Variants in ANO1 observed in about 807,000 individuals in gnomAD.
ANO1 encodes anoctamin-1.
A neutral mutation model predicts 124.0 loss-of-function variants in ANO1; 59 were observed. That is an observed-to-expected ratio of 0.48 (90% CI 0.39 to 0.59). The LOEUF is 0.59. ANO1 is among the 20% of genes least tolerant of loss of function. ANO1 has a pLI of 0.00. For missense variants in ANO1, 1,059 were observed against 1,328.0 expected (o/e 0.80, Z 3.15); for synonymous variants, 529 against 532.0 (o/e 0.99, Z 0.08).
intron 1 of ANO1, among the ~76,000 whole-genome samples, chr11:70,046,690 CAGGGGCTCTTGG>C (rs1857264680): frequency 6.6e-6 from 1 of 152,014 alleles, no homozygotes; most frequent in Non-Finnish European, 1.5e-5. Context: ...CAGAAAGACA[CAGGGGCTCTTGG>C]AGGGGCTCTT....
At chr11:70,165,355 G>A (rs2048213038) in intron 19 of ANO1, 115 bp from the exon 20 acceptor site, 2 of 825,226 alleles carry the variant, frequency 2.4e-6, no homozygotes, top group Non-Finnish European at 3.9e-6. Flanking sequence ...GAACCTGAGC[G>A]TCTTTTTTTG....
intron 12 of ANO1, 101 bp from the exon 13 acceptor site, chr11:70,152,349 A>G: frequency 9.9e-7 from 1 of 1,010,692 alleles, no homozygotes; most frequent in Non-Finnish European, 1.4e-6. Flanking sequence ...AAAAAAAAAA[A>G]AAAAAAAAGT....
In ANO1 at chr11:70,024,224, A is replaced by T. The variant is rs139859127; in HGVS notation, c.58+38058A>T. ...AGGCTATCTCTGACGGTCCTGCCTG[A>T]GGTCTTTGACCCTCCCTAAATGAGT... On this transcript the variant is annotated intron_variant, in intron 1 of 27. Coordinates refer to the ANO1 transcript ENST00000531349. Among the ~76,000 whole-genome samples, 99 of 152,282 alleles carry T rather than the reference A, an allele frequency of 6.5e-4. 1 individual carries two copies. In the East Asian group the frequency reaches 0.018, roughly 28 times the overall value.
intron 19 of ANO1, among the ~76,000 whole-genome samples, chr11:70,164,839 T>A (rs2048189562): frequency 6.6e-6 from 1 of 152,096 alleles, no homozygotes; most frequent in Non-Finnish European, 1.5e-5. Flanking sequence ...GACCGGCCAG[T>A]GGCCCTGGAA....
chr11:70,111,608 C>T lies in ANO1; in HGVS notation c.800-99C>T, dbSNP rs879495816. 6.6e-4 allele frequency: 767 copies of T among 1,166,836 alleles called. 1 individual carries two copies. Among genetic ancestry groups the T allele is most frequent in the Non-Finnish European group, 9.4e-4 (734 of 780,802 alleles). The allele number at this position is 1,166,836 out of a possible 1,614,324, so 72.3% of individuals were successfully genotyped here. A position where few individuals can be genotyped will look rare whatever the true frequency, so the allele number is the denominator to read the frequency against. On this transcript the variant is annotated intron_variant, in intron 6 of 25. Coordinates refer to ENST00000355303, the MANE Select transcript of ANO1 (RefSeq NM_018043.7). ...GTCAGGTTCGTTTCATTTTGAGAAG[C>T]TCTTAGTGGCTGAGATGGCCCTGTG...
At chr11:70,115,497 C>T (rs548694607) in intron 7 of ANO1, among the ~76,000 whole-genome samples, 322 of 152,158 alleles carry the variant, frequency 2.1e-3, no homozygotes, top group Non-Finnish European at 3.4e-3. Context: ...CCCGTAGTCC[C>T]GGCTACTTGG....
intron 1 of ANO1, among the ~76,000 whole-genome samples, chr11:70,024,403 A>G (rs559927556): frequency 2.0e-5 from 3 of 152,106 alleles, no homozygotes; most frequent in Non-Finnish European, 4.4e-5. Context: ...GGCACAAGGG[A>G]GGGAGTGAGT....
chr11:70,053,211 C>T (rs1555006475), intron 1 of ANO1, among the ~76,000 whole-genome samples: 2 of 152,150 alleles, frequency 1.3e-5, no homozygotes, highest in Non-Finnish European at 2.9e-5. Context: ...CTTTCAAAAT[C>T]ATGCTTTTGG....
chr11:70,187,225 G>A (rs910677238), intron 25 of ANO1, among the ~76,000 whole-genome samples: 6 of 152,254 alleles, frequency 3.9e-5, no homozygotes, highest in Admixed American at 1.3e-4. Context: ...GTGCTCACAC[G>A]TGCTTGCTGG....
In ANO1 at chr11:70,127,080, A is replaced by G. The variant is rs144378408; in HGVS notation, c.1097+885A>G. Among the ~76,000 whole-genome samples, 130 of 78,724 alleles carry G rather than the reference A, an allele frequency of 1.7e-3. 1 individual carries two copies. Among genetic ancestry groups the G allele is most frequent in the Middle Eastern group, 0.015 (2 of 130 alleles). 51.6% of individuals were successfully genotyped at this position (78,724 alleles called of 152,430 possible). On this transcript the variant is annotated intron_variant, in intron 10 of 25. Coordinates refer to ENST00000355303, the MANE Select transcript of ANO1 (RefSeq NM_018043.7). ...TCGGTGCAGGCTGGTGCTTGCGGGA[A>G]GTGAGACATGAACGCTAGAGGCCTC...
At chr11:70,178,650 G>A (rs758277167) in intron 22 of ANO1, among the ~76,000 whole-genome samples, 7 of 150,764 alleles carry the variant, frequency 4.6e-5, no homozygotes, top group South Asian at 2.1e-4. Flanking sequence ...CATAACCTCC[G>A]CCTCCCTGGC....
intron 11 of ANO1, among the ~76,000 whole-genome samples, chr11:70,139,404 T>A (rs1452602991): frequency 6.7e-6 from 1 of 149,874 alleles, no homozygotes; most frequent in Non-Finnish European, 1.5e-5. Context: ...GCTCACTACA[T>A]CCTCTGCCTC....
chr11:69,982,003 G>C (rs1400403984), upstream of ANO1, among the ~76,000 whole-genome samples: 11 of 152,200 alleles, frequency 7.2e-5, no homozygotes, highest in Admixed American at 5.9e-4. Context: ...ACAGAAGGCA[G>C]GCCAATGGTT....
intron 11 of ANO1, among the ~76,000 whole-genome samples, chr11:70,147,159 G>A (rs187059184): frequency 5.8e-4 from 88 of 152,374 alleles, no homozygotes; most frequent in African/African-American, 2.0e-3. Flanking sequence ...GTAAAAGGGC[G>A]TTGTTGGCCT....
chr11:70,023,370 ATCCCAGGCTAAACCATG>A (rs377320298), intron 1 of ANO1, among the ~76,000 whole-genome samples: 33 of 152,272 alleles, frequency 2.2e-4, no homozygotes, highest in African/African-American at 7.7e-4. Context: ...CATTTGGGAG[ATCCCAGGCTAAACCATG>A]TCTAGTGGAT....
intron 1 of ANO1, among the ~76,000 whole-genome samples, chr11:70,079,249 G>C (rs1490849985): frequency 6.6e-6 from 1 of 152,140 alleles, no homozygotes; most frequent in Non-Finnish European, 1.5e-5. Context: ...TGCCAGAAAC[G>C]CATATTGTGC....
chr11:70,143,714 A>T (rs1240179751), intron 11 of ANO1, among the ~76,000 whole-genome samples: 1 of 152,186 alleles, frequency 6.6e-6, no homozygotes, highest in Non-Finnish European at 1.5e-5. Context: ...GCCACAGGTA[A>T]CCACACATGT....
At chr11:70,026,456 G>A (rs1418448182) in intron 1 of ANO1, among the ~76,000 whole-genome samples, 1 of 148,784 alleles carries the variant, frequency 6.7e-6, no homozygotes, top group Non-Finnish European at 1.5e-5. Flanking sequence ...GATGACAATG[G>A]TGATGATGGT....
At chr11:69,994,363 GATGGATGGGTGGATGA>G (rs1257993924) in intron 1 of ANO1, among the ~76,000 whole-genome samples, 1 of 81,538 alleles carries the variant, frequency 1.2e-5, no homozygotes, top group Non-Finnish European at 3.1e-5. Context: ...TGGATGGGTG[GATGGATGGGTGGATGA>G]ATGGATGGAT....
Sources: gnomAD v4.1 joint callset for allele counts (sites outside exome capture counted in the v4.1 genomes callset) on GRCh38, gnomAD v4.1.1 for gene constraint, MANE v1.5 for transcripts, NCBI Gene and HGNC (gene_info 2026-07-23, HGNC 2026-07-21) for gene names.